MYO3A: variants seen among roughly 807,000 people sequenced by gnomAD.
MYO3A encodes the protein myosin IIIA.
Under a neutral mutation model 192.7 loss-of-function variants are expected in MYO3A, and 180 were observed. The ratio of observed to expected loss-of-function variants is 0.93; its 90% confidence interval spans 0.83 to 1.06. The LOEUF (loss-of-function observed/expected upper bound fraction) is 1.06. Ranked by LOEUF, MYO3A falls within the 50% of genes least tolerant of loss-of-function variation. The pLI is 0.00. For missense variants in MYO3A, 1,896 were observed against 1,905.0 expected, an observed-to-expected ratio of 1.00 and a Z score of 0.09; for synonymous variants, 628 against 645.3, an observed-to-expected ratio of 0.97 and a Z score of 0.41.
chr10:26,096,143 G>A (rs1837016571), intron 15 of MYO3A, among the ~76,000 whole-genome samples: 1 of 152,186 alleles, frequency 6.6e-6, no homozygotes, highest in Admixed American at 6.5e-5. Flanking sequence ...GTGCCTGGAA[G>A]TCACTCACGA....
Position 26,174,536 on chromosome 10 carries a change from T to A in MYO3A, c.4272T>A (p.Gly1424=), listed in dbSNP as rs780271562. Residue 1424 remains glycine, a synonymous_variant, in exon 30 of 35, where the codon GGT becomes GGA. Transcript: ENST00000642920. The stretch of plus-strand genomic sequence containing the variant: ...CAACTTCAGAAAGAGAAGCATGTGG[T>A]TTGGCAATTTTTTCAAAACAGGTAT... ...SKATSEREAC[G]LAIFSKQISK... The A allele has an allele frequency of 8.7e-6, 14 of 1,613,704 alleles. No individual in the cohort carries two copies. The African/African-American group carries it at 1.5e-4, about 17-fold the overall frequency.
intron 10 of MYO3A, among the ~76,000 whole-genome samples, chr10:26,040,804 T>C (rs1369515432): frequency 6.6e-6 from 1 of 152,172 alleles, no homozygotes; most frequent in Non-Finnish European, 1.5e-5. Context: ...ACTTGTTTTG[T>C]GACCTAACAT....
chr10:26,083,317 C>T (rs990303743), intron 14 of MYO3A, among the ~76,000 whole-genome samples: 18 of 152,278 alleles, frequency 1.2e-4, no homozygotes, highest in African/African-American at 4.3e-4. Context: ...AGTGGGGTGG[C>T]ACAGATTTAA....
At chr10:26,178,994 G>A (rs1260007087) in intron 31 of MYO3A, among the ~76,000 whole-genome samples, 3 of 150,908 alleles carry the variant, frequency 2.0e-5, no homozygotes, top group Non-Finnish European at 4.4e-5. Flanking sequence ...GTAGAGATGG[G>A]GTTTCACCAT....
chr10:26,058,170 A>G (rs970867292), intron 10 of MYO3A, among the ~76,000 whole-genome samples: 7 of 152,202 alleles, frequency 4.6e-5, no homozygotes, highest in Admixed American at 6.5e-5. Context: ...TTTGCTGTCA[A>G]TTAGTGATCT....
Position 26,147,458 on chromosome 10 carries a change from C to T in MYO3A, c.2534C>T (p.Ala845Val), listed in dbSNP as rs764664841. Residue 845 changes from alanine (A) to valine (V), a missense_variant, in exon 23 of 35, where the codon GCC becomes GTC. Ala to Val is a moderately conservative substitution (Grantham distance 64). Coordinates refer to ENST00000642920, the MANE Select transcript of MYO3A (RefSeq NM_017433.5). ...CTCTATAATGCAAGTGGATTCTTAG[C>T]CAAAAACAGAGACACTCTTCCTACT... is the stretch of plus-strand genomic sequence containing the variant. ...KVLYNASGFL[A>V]KNRDTLPTDI... is the part of the protein sequence containing the mutation. 6.2e-7 allele frequency: 1 copy of T among 1,613,648 alleles called. No individual in the cohort carries two copies. Among genetic ancestry groups the T allele is most frequent in the Non-Finnish European group, 8.5e-7 (1 of 1,179,712 alleles).
At chr10:26,000,088 G>A (rs1412738912) in intron 6 of MYO3A, among the ~76,000 whole-genome samples, 3 of 152,040 alleles carry the variant, frequency 2.0e-5, no homozygotes, top group Admixed American at 6.6e-5. Context: ...CTGATCCTGC[G>A]ACTACCTTGT....
rs1184849136 is a variant in MYO3A, at chr10:25,993,209, G to T, written c.304-3281G>T. ...AGAGCCTGTTATTGGTCTATTCAGA[G>T]ATTCAACTTCTTCCTGGTTTAGACT... On this transcript the variant is annotated intron_variant, in intron 4 of 34. Transcript: ENST00000642920. Among the ~76,000 whole-genome samples the T allele has an allele frequency of 2.6e-5, 4 of 152,214 alleles. No individual in the cohort carries two copies. In the East Asian group the frequency reaches 7.7e-4, roughly 29 times the overall value.
At position 25,942,006 on chromosome 10, in the gene MYO3A, CTTTTTTT is replaced by C. The variant is rs151243879; in HGVS notation, c.-18+6184_-18+6190del. Among the ~76,000 whole-genome samples the C allele has an allele frequency of 2.1e-3, 287 of 139,204 alleles. 1 individual carries two copies. Among genetic ancestry groups the C allele is most frequent in the Non-Finnish European group, 2.1e-3 (137 of 63,924 alleles). The allele number at this position is 139,204 out of a possible 152,430, so 91.3% of individuals were successfully genotyped here. On this transcript the variant is annotated intron_variant, in intron 2 of 34. Transcript: ENST00000642920. ...TCTTTTCTTTCTTACTTTCTTTTTT[CTTTTTTT>C]TTTTTTTAGATGGAGTCTCTCTCTG...
intron 2 of MYO3A, among the ~76,000 whole-genome samples, chr10:25,941,673 A>T (rs1836496363): frequency 6.6e-6 from 1 of 152,226 alleles, no homozygotes; most frequent in South Asian, 2.1e-4. Flanking sequence ...TATTAAGTAC[A>T]GTCACATTGT....
chr10:26,107,596 G>T (rs1837898607), intron 17 of MYO3A, among the ~76,000 whole-genome samples: 1 of 147,768 alleles, frequency 6.8e-6, no homozygotes, highest in Non-Finnish European at 1.5e-5. Context: ...TTATCTTTTT[G>T]AATTTGTTTT....
chr10:25,989,770 C>T (rs1839896655), intron 4 of MYO3A, among the ~76,000 whole-genome samples: 1 of 152,118 alleles, frequency 6.6e-6, no homozygotes, highest in Admixed American at 6.5e-5. Context: ...TTCAGTTTTT[C>T]AATTTGCTTT....
chr10:25,949,101 A>G (rs1837041332), intron 2 of MYO3A, among the ~76,000 whole-genome samples: 1 of 152,088 alleles, frequency 6.6e-6, no homozygotes, highest in Admixed American at 6.6e-5. Context: ...CACCTGGGCT[A>G]TTACAGCACT....
intron 17 of MYO3A, among the ~76,000 whole-genome samples, chr10:26,109,107 T>C (rs1045153808): frequency 1.3e-5 from 2 of 152,226 alleles, no homozygotes; most frequent in Admixed American, 1.3e-4. Flanking sequence ...TAATAAGGAC[T>C]TCTTGAGAGA....
intron 17 of MYO3A, among the ~76,000 whole-genome samples, chr10:26,104,114 C>CA (rs74639975): frequency 0.024 from 3,400 of 144,482 alleles, 117 homozygotes; most frequent in African/African-American, 0.078. Context: ...GTCTGATTTG[C>CA]AAAAAAAAAA....
chr10:26,178,210 G>A (rs1232644504), intron 31 of MYO3A, among the ~76,000 whole-genome samples: 1 of 152,198 alleles, frequency 6.6e-6, no homozygotes, highest in East Asian at 1.9e-4. Flanking sequence ...GGAGCAGGTG[G>A]TGTGGGGAAG....
chr10:26,117,198 G>A (rs1010679307), intron 17 of MYO3A, among the ~76,000 whole-genome samples: 21 of 152,158 alleles, frequency 1.4e-4, no homozygotes, highest in African/African-American at 4.3e-4. Flanking sequence ...TATTTTGCTG[G>A]ATTCAACCAA....
At chr10:26,005,535 A>G (rs1329770871) in intron 6 of MYO3A, among the ~76,000 whole-genome samples, 1 of 152,166 alleles carries the variant, frequency 6.6e-6, no homozygotes, top group Non-Finnish European at 1.5e-5. Context: ...AAGGTTGTGT[A>G]AGGGGAATAT....
chr10:26,017,503 C>G (rs916598165), intron 7 of MYO3A, among the ~76,000 whole-genome samples: 3 of 152,098 alleles, frequency 2.0e-5, no homozygotes, highest in African/African-American at 7.2e-5. Flanking sequence ...TTTGAAGACT[C>G]TCTCTACAAC....
Sources: allele counts gnomAD v4.1 joint callset (sites outside exome capture counted in the v4.1 genomes callset), GRCh38; gene constraint gnomAD v4.1.1; transcripts MANE v1.5; gene names NCBI Gene and HGNC (gene_info 2026-07-23, HGNC 2026-07-21).